The following SLC16A7 variants were observed in gnomAD, a reference collection of about 807,000 sequenced individuals.
SLC16A7 encodes monocarboxylate transporter 2.
SLC16A7 carries 33 observed loss-of-function variants against 34.9 expected under a neutral mutation model. That is an observed-to-expected ratio of 0.94 (90% CI 0.72 to 1.26). The LOEUF (loss-of-function observed/expected upper bound fraction) is 1.26. Ranked by LOEUF, SLC16A7 falls within the 50% of genes most tolerant of loss-of-function variation. The pLI is 0.00. For missense variants in SLC16A7, 573 were observed against 578.1 expected (o/e 0.99, Z 0.09); for synonymous variants, 201 against 206.6 (o/e 0.97, Z 0.23).
At chr12:59,722,179 C>T (rs1377826260) in intron 3 of SLC16A7, among the ~76,000 whole-genome samples, 1 of 151,962 alleles carries the variant, frequency 6.6e-6, no homozygotes, top group Non-Finnish European at 1.5e-5. Flanking sequence ...TGAAATTCTC[C>T]TCCAAACCTG....
intron 1 of SLC16A7, among the ~76,000 whole-genome samples, chr12:59,634,053 T>A (rs1421884277): frequency 6.6e-6 from 1 of 152,050 alleles, no homozygotes; most frequent in Non-Finnish European, 1.5e-5. Flanking sequence ...CCCTATTTTA[T>A]GGATATGGAA....
At chr12:59,614,852 A>T (rs1030931554) in intron 1 of SLC16A7, among the ~76,000 whole-genome samples, 15 of 148,068 alleles carry the variant, frequency 1.0e-4, no homozygotes, top group Non-Finnish European at 9.0e-5. Flanking sequence ...AAAAAAAAAA[A>T]ATTAGCCAGG....
At chr12:59,598,159 G>C (rs1343737373) in intron 1 of SLC16A7, among the ~76,000 whole-genome samples, 1 of 152,152 alleles carries the variant, frequency 6.6e-6, no homozygotes, top group Non-Finnish European at 1.5e-5. Flanking sequence ...AAACATTTTT[G>C]AGACATTCAC....
intron 1 of SLC16A7, among the ~76,000 whole-genome samples, chr12:59,648,046 C>T (rs1175356160): frequency 6.6e-6 from 1 of 151,936 alleles, no homozygotes; most frequent in Non-Finnish European, 1.5e-5. Flanking sequence ...AGAGTGAGAC[C>T]TTGTCTCAAC....
intron 3 of SLC16A7, chr12:59,734,235 C>T (rs542113791): frequency 1.1e-5 from 2 of 179,302 alleles, no homozygotes; most frequent in South Asian, 1.2e-4. Flanking sequence ...GCTCCCCTGC[C>T]CCAGCCTCCC....
intron 1 of SLC16A7, among the ~76,000 whole-genome samples, chr12:59,635,855 T>G (rs1038288627): frequency 3.3e-5 from 5 of 152,016 alleles, no homozygotes; most frequent in African/African-American, 1.2e-4. Context: ...TGTTCTCGGT[T>G]CTTTATGTAT....
intron 1 of SLC16A7, among the ~76,000 whole-genome samples, chr12:59,653,976 A>C (rs142121202): frequency 1.4e-3 from 219 of 151,822 alleles, no homozygotes; most frequent in African/African-American, 5.1e-3. Context: ...TAATAATAAG[A>C]TAAATATCAG....
chr12:59,772,816 C>G (rs963280523), intron 4 of SLC16A7, among the ~76,000 whole-genome samples: 1 of 151,982 alleles, frequency 6.6e-6, no homozygotes, highest in Non-Finnish European at 1.5e-5. Context: ...TGCAAATAAT[C>G]ATAATACCAT....
chr12:59,779,508 C>T lies in SLC16A7; in HGVS notation c.1266C>T (p.Leu422=), dbSNP rs1883077422. ...TGGTAGCAGCAAGCGTGTGGCTGCT[C>T]ATTGGCAATGCTATCAACTATAGAT... is the stretch of plus-strand genomic sequence containing the variant. ...AIVVAASVWL[L]IGNAINYRLL... is the part of the protein sequence containing the mutation. The change falls in exon 6 of 6, where the codon CTC becomes CTT. Residue 422 remains leucine (L), a synonymous_variant. Coordinates refer to ENST00000547379, the MANE Select transcript of SLC16A7 (RefSeq NM_001270623.2). 1 of 1,612,274 alleles carries T rather than the reference C, an allele frequency of 6.2e-7. No homozygotes were observed. Among genetic ancestry groups the T allele is most frequent in the Non-Finnish European group, 8.5e-7 (1 of 1,178,704 alleles).
intron 1 of SLC16A7, among the ~76,000 whole-genome samples, chr12:59,652,007 A>G (rs1471423188): frequency 6.6e-6 from 1 of 152,086 alleles, no homozygotes; most frequent in African/African-American, 2.4e-5. Context: ...ATGAGAATTT[A>G]TAAACATGAT....
At chr12:59,621,772 C>T (rs965101521) in intron 1 of SLC16A7, among the ~76,000 whole-genome samples, 1 of 151,214 alleles carries the variant, frequency 6.6e-6, no homozygotes, top group Non-Finnish European at 1.5e-5. Context: ...AAAATCATGT[C>T]TACGGTTTTA....
At chr12:59,618,153 A>T (rs1180485013) in intron 1 of SLC16A7, among the ~76,000 whole-genome samples, 5 of 151,978 alleles carry the variant, frequency 3.3e-5, no homozygotes, top group Non-Finnish European at 7.4e-5. Context: ...TTTTAGAGCC[A>T]TAGTATTATA....
chr12:59,694,556 C>G (rs927710997), intron 2 of SLC16A7, among the ~76,000 whole-genome samples: 1 of 151,890 alleles, frequency 6.6e-6, no homozygotes, highest in Admixed American at 6.6e-5. Flanking sequence ...TACCCTCATT[C>G]CACATGGTTT....
chr12:59,690,206 C>T (rs1459343057), intron 2 of SLC16A7, among the ~76,000 whole-genome samples: 2 of 152,000 alleles, frequency 1.3e-5, no homozygotes, highest in Admixed American at 6.6e-5. Flanking sequence ...ACATGTAAAA[C>T]TCTCAGATAA....
intron 1 of SLC16A7, among the ~76,000 whole-genome samples, chr12:59,628,442 AGTTCTT>A (rs1472669309): frequency 6.6e-6 from 1 of 151,820 alleles, no homozygotes; most frequent in Non-Finnish European, 1.5e-5. Context: ...TTCTTCTCTA[AGTTCTT>A]GACTTTCATG....
Position 59,779,861 on chromosome 12 carries a change from A to C in SLC16A7, c.*182A>C. On this transcript the variant is annotated 3_prime_UTR_variant, in exon 6 of 6. Coordinates refer to ENST00000547379, the MANE Select transcript of SLC16A7 (RefSeq NM_001270623.2). ...TTTTTAAAAACTTACTTATTTGGGT[A>C]GTTAAATTTTGAGATTATGCATAGA... The C allele has an allele frequency of 1.9e-6, 1 of 534,432 alleles. No individual in the cohort carries two copies. Among genetic ancestry groups the C allele is most frequent in the East Asian group, 3.2e-5 (1 of 31,192 alleles). 33.1% of individuals were successfully genotyped at this position (534,432 alleles called of 1,614,324 possible).
At chr12:59,600,051 G>A (rs1878612588) in intron 1 of SLC16A7, among the ~76,000 whole-genome samples, 1 of 152,148 alleles carries the variant, frequency 6.6e-6, no homozygotes, top group African/African-American at 2.4e-5. Flanking sequence ...AAGACAAGTT[G>A]CTAGACCTCT....
At chr12:59,629,766 A>G (rs913175600) in intron 1 of SLC16A7, among the ~76,000 whole-genome samples, 1 of 151,642 alleles carries the variant, frequency 6.6e-6, no homozygotes, top group Non-Finnish European at 1.5e-5. Flanking sequence ...GTGGGTACCT[A>G]TTGATATTTA....
intron 3 of SLC16A7, among the ~76,000 whole-genome samples, chr12:59,715,534 A>G (rs1874795655): frequency 6.6e-6 from 1 of 152,212 alleles, no homozygotes; most frequent in South Asian, 2.1e-4. Flanking sequence ...GGTATTATAT[A>G]GACCCTGAAA....
Sources: gnomAD v4.1 joint callset for allele counts (sites outside exome capture counted in the v4.1 genomes callset) on GRCh38, gnomAD v4.1.1 for gene constraint, MANE v1.5 for transcripts, NCBI Gene and HGNC (gene_info 2026-07-23, HGNC 2026-07-21) for gene names.